Variants in UBE2G1 observed in about 807,000 individuals in gnomAD.
UBE2G1 encodes the protein ubiquitin-conjugating enzyme E2 G1.
UBE2G1 carries 5 observed loss-of-function variants against 22.7 expected under a neutral mutation model. The ratio of observed to expected loss-of-function variants is 0.22; its 90% CI spans 0.12 to 0.46. The LOEUF (loss-of-function observed/expected upper bound fraction) is 0.46. UBE2G1 is among the 20% of genes least tolerant of loss of function. The pLI is 0.99. For synonymous variants in UBE2G1, 74 were observed against 67.5 expected (o/e 1.10, Z -0.47); for missense variants, 88 against 203.9 (o/e 0.43, Z 3.46).
At chr17:4,285,290 A>G (rs1199438830) in intron 4 of UBE2G1, among the ~76,000 whole-genome samples, 1 of 152,126 alleles carries the variant, frequency 6.6e-6, no homozygotes, top group Non-Finnish European at 1.5e-5. Context: ...TACAATGGGG[A>G]AAAAAAGAAA....
intron 5 of UBE2G1, among the ~76,000 whole-genome samples, chr17:4,276,173 T>C (rs1968818976): frequency 1.3e-5 from 2 of 152,048 alleles, no homozygotes; most frequent in Non-Finnish European, 2.9e-5. Context: ...ATGGTCTGCT[T>C]CTACTCCCAC....
chr17:4,349,628 G>A (rs1345241905), intron 1 of UBE2G1, among the ~76,000 whole-genome samples: 1 of 152,062 alleles, frequency 6.6e-6, no homozygotes, highest in African/African-American at 2.4e-5. Context: ...CGGATCACGA[G>A]GTCAGGAGAT....
At chr17:4,313,701 T>C (rs947427801) in intron 1 of UBE2G1, among the ~76,000 whole-genome samples, 2 of 152,176 alleles carry the variant, frequency 1.3e-5, no homozygotes, top group Non-Finnish European at 2.9e-5. Flanking sequence ...AACGGACTTC[T>C]GGTGTACTGG....
intron 1 of UBE2G1, among the ~76,000 whole-genome samples, chr17:4,365,779 G>T (rs1002617393): frequency 6.6e-6 from 1 of 152,188 alleles, no homozygotes. Context: ...GCCGCCCGGG[G>T]AGAAGTTTTG....
intron 1 of UBE2G1, among the ~76,000 whole-genome samples, chr17:4,337,600 C>T (rs1420748112): frequency 6.7e-6 from 1 of 149,386 alleles, no homozygotes; most frequent in African/African-American, 2.5e-5. Context: ...TTGCAATGAG[C>T]TGAAATCACG....
chr17:4,322,300 A>T (rs1969449407), intron 1 of UBE2G1, among the ~76,000 whole-genome samples: 1 of 152,230 alleles, frequency 6.6e-6, no homozygotes, highest in Non-Finnish European at 1.5e-5. Flanking sequence ...ATTTCTTCCA[A>T]AGGGGAACAA....
intron 3 of UBE2G1, among the ~76,000 whole-genome samples, chr17:4,290,227 G>T (rs1019010027): frequency 6.6e-6 from 1 of 152,010 alleles, no homozygotes; most frequent in African/African-American, 2.4e-5. Context: ...ATCATACTTT[G>T]AGGAAGAAAT....
At chr17:4,292,164 A>G (rs1327935010) in intron 3 of UBE2G1, among the ~76,000 whole-genome samples, 1 of 151,904 alleles carries the variant, frequency 6.6e-6, no homozygotes, top group African/African-American at 2.4e-5. Flanking sequence ...CATCTCTAAT[A>G]AAAATACAAG....
chr17:4,362,157 G>T (rs545700922), intron 1 of UBE2G1, among the ~76,000 whole-genome samples: 5 of 152,008 alleles, frequency 3.3e-5, no homozygotes, highest in Non-Finnish European at 7.4e-5. Flanking sequence ...TTAACATAAG[G>T]CACTGCAAAA....
Position 4,271,897 on chromosome 17 carries a change from G to A in UBE2G1, c.*657C>T, listed in dbSNP as rs538252315. The A allele has an allele frequency of 3.1e-4, 48 of 152,716 alleles. No individual in the cohort carries two copies. Among genetic ancestry groups the A allele is most frequent in the African/African-American group, 8.9e-4 (37 of 41,558 alleles). 9.5% of individuals were successfully genotyped at this position (152,716 alleles called of 1,614,324 possible). A position where few individuals can be genotyped will look rare whatever the true frequency, so the allele number is the denominator to read the frequency against. ...CAAAGCACCTAGTGATGACTCCTTC[G>A]AAGTCATCATTAAAAATCAAGTAAT... On this transcript the variant is annotated 3_prime_UTR_variant, in exon 6 of 6. Coordinates refer to ENST00000396981, the MANE Select transcript of UBE2G1 (RefSeq NM_003342.5).
intron 1 of UBE2G1, among the ~76,000 whole-genome samples, chr17:4,340,102 T>TAG (rs1048646179): frequency 2.6e-5 from 4 of 152,078 alleles, no homozygotes; most frequent in Non-Finnish European, 5.9e-5. Context: ...TAACTGTTTG[T>TAG]AGAGACAGGG....
intron 2 of UBE2G1, among the ~76,000 whole-genome samples, chr17:4,299,197 G>A (rs7212235): frequency 0.038 from 5,754 of 152,204 alleles, 399 homozygotes; most frequent in African/African-American, 0.13. Context: ...TATGCACTGC[G>A]TCATGATGTA....
At chr17:4,273,127 G>C (rs1361531453) in intron 5 of UBE2G1, among the ~76,000 whole-genome samples, 3 of 152,166 alleles carry the variant, frequency 2.0e-5, no homozygotes, top group Non-Finnish European at 1.5e-5. Flanking sequence ...GTATCATCCA[G>C]TTAGACTGTA....
At chr17:4,355,036 G>A (rs75195523) in intron 1 of UBE2G1, among the ~76,000 whole-genome samples, 3,978 of 152,038 alleles carry the variant, frequency 0.026, 76 homozygotes, top group East Asian at 0.075. Context: ...AGGGTGCAGC[G>A]GGCCTTGATG....
At chr17:4,291,431 G>A (rs892398744) in intron 3 of UBE2G1, among the ~76,000 whole-genome samples, 28 of 150,418 alleles carry the variant, frequency 1.9e-4, no homozygotes, top group African/African-American at 6.6e-4. Context: ...ATTTCATAGA[G>A]TATTACTATT....
At chr17:4,340,475 T>G (rs1481669248) in intron 1 of UBE2G1, among the ~76,000 whole-genome samples, 1 of 152,162 alleles carries the variant, frequency 6.6e-6, no homozygotes, top group African/African-American at 2.4e-5. Flanking sequence ...GGGAGGGACC[T>G]CATGGGCTGT....
Position 4,323,894 on chromosome 17 carries a change from T to G in UBE2G1, c.47-16771A>C, listed in dbSNP as rs529827910. On this transcript the variant is annotated intron_variant, in intron 1 of 5. Coordinates refer to ENST00000396981, the MANE Select transcript of UBE2G1 (RefSeq NM_003342.5). ...ATAATGGAAGAAAGGGGTGGAAATT[T>G]GTTACATAGATATATTTAGAGCATT... Among the ~76,000 whole-genome samples the G allele has an allele frequency of 9.8e-5, 15 of 152,288 alleles. No homozygotes were observed. The East Asian group carries it at 2.7e-3, about 27-fold the overall frequency.
chr17:4,296,657 A>G, intron 3 of UBE2G1, 60 bp downstream of exon 3: 1 of 1,469,030 alleles, frequency 6.8e-7, no homozygotes, highest in Non-Finnish European at 9.5e-7. Context: ...ATTGACCTTG[A>G]ACACTTCAAT....
chr17:4,324,836 G>C (rs1228120905), intron 1 of UBE2G1, among the ~76,000 whole-genome samples: 1 of 152,126 alleles, frequency 6.6e-6, no homozygotes, highest in Non-Finnish European at 1.5e-5. Context: ...CCAGCATTTT[G>C]GGAGGCCAAG....
Sources: allele counts gnomAD v4.1 joint callset (sites outside exome capture counted in the v4.1 genomes callset), GRCh38; gene constraint gnomAD v4.1.1; transcripts MANE v1.5; gene names NCBI Gene and HGNC (gene_info 2026-07-23, HGNC 2026-07-21).